The following SNTG2 variants were observed in gnomAD, a reference collection of about 807,000 sequenced individuals.
SNTG2 encodes the protein syntrophin gamma 2.
Under a neutral mutation model 70.9 loss-of-function variants are expected in SNTG2, and 74 were observed. The ratio of observed to expected loss-of-function variants is 1.04; its 90% CI spans 0.86 to 1.27. The LOEUF is 1.27. Among genes scored for constraint, SNTG2 ranks in the 50% most tolerant of loss-of-function variants. The pLI is 0.00. For missense variants in SNTG2, 717 were observed against 690.7 expected, an observed-to-expected ratio of 1.04 and a Z score of -0.43; for synonymous variants, 278 against 273.8, an observed-to-expected ratio of 1.02 and a Z score of -0.15.
At chr2:1,295,329 CT>C (rs1680155940) in intron 14 of SNTG2, among the ~76,000 whole-genome samples, 1 of 152,168 alleles carries the variant, frequency 6.6e-6, no homozygotes, top group African/African-American at 2.4e-5. Flanking sequence ...TGAGGGAACT[CT>C]CTTCCCAGAA....
chr2:1,012,606 G>C (rs111844338), intron 1 of SNTG2, among the ~76,000 whole-genome samples: 25 of 104,442 alleles, frequency 2.4e-4, no homozygotes, highest in Middle Eastern at 5.8e-3. Context: ...GAGAAGGGTG[G>C]TCTGGAAAGG....
At chr2:1,321,584 A>G (rs1681524241) in intron 16 of SNTG2, among the ~76,000 whole-genome samples, 2 of 152,124 alleles carry the variant, frequency 1.3e-5, no homozygotes, top group South Asian at 4.1e-4. Flanking sequence ...TATCACTGAA[A>G]AGACTGAATC....
intron 7 of SNTG2, among the ~76,000 whole-genome samples, chr2:1,170,824 G>A (rs778104239): frequency 4.6e-5 from 7 of 152,082 alleles, no homozygotes; most frequent in East Asian, 1.9e-4. Context: ...CCGTGAATGC[G>A]TTTTTCTTGG....
chr2:1,173,117 C>T lies in SNTG2; in HGVS notation c.525C>T (p.His175=), dbSNP rs775704215. ...PLGSPGPSSD[H]SSGASSPLFD... ...GGTCCCCAGGGCCATCCAGCGACCA[C>T]AGCAGTGGGGCCTCCTCTCCCCTCT... Residue 175 remains histidine (H), a synonymous_variant, in exon 8 of 17, where the codon CAC becomes CAT. Coordinates refer to ENST00000308624, the MANE Select transcript of SNTG2 (RefSeq NM_018968.4). 1 of 1,614,038 alleles carries T rather than the reference C, an allele frequency of 6.2e-7. No individual in the cohort carries two copies. Among genetic ancestry groups the T allele is most frequent in the Non-Finnish European group, 8.5e-7 (1 of 1,179,888 alleles).
At chr2:1,176,613 TATCCAGAATCTAC>T (rs1232449512) in intron 8 of SNTG2, among the ~76,000 whole-genome samples, 3 of 151,392 alleles carry the variant, frequency 2.0e-5, no homozygotes, top group Non-Finnish European at 4.4e-5. Flanking sequence ...AAAGGTCTAA[TATCCAGAATCTAC>T]AAGGAACTAA....
At chr2:1,125,747 G>A (rs1221288451) in intron 4 of SNTG2, among the ~76,000 whole-genome samples, 3 of 151,320 alleles carry the variant, frequency 2.0e-5, no homozygotes, top group East Asian at 3.9e-4. Flanking sequence ...TCTCTCTTGG[G>A]GCAAAAAGTA....
intron 1 of SNTG2, among the ~76,000 whole-genome samples, chr2:1,076,924 A>G (rs548103969): frequency 1.2e-4 from 18 of 152,178 alleles, no homozygotes; most frequent in Non-Finnish European, 2.4e-4. Flanking sequence ...TCTCCATGCT[A>G]TGTTTACATG....
At chr2:1,245,276 A>G (rs1176732977) in intron 11 of SNTG2, among the ~76,000 whole-genome samples, 2 of 152,094 alleles carry the variant, frequency 1.3e-5, no homozygotes, top group African/African-American at 4.8e-5. Flanking sequence ...ATAATAAAAA[A>G]AAAGGAAAAA....
At chr2:1,159,902 A>G (rs1670159537) in intron 6 of SNTG2, among the ~76,000 whole-genome samples, 1 of 152,236 alleles carries the variant, frequency 6.6e-6, no homozygotes, top group African/African-American at 2.4e-5. Context: ...GGGAGGGACT[A>G]AGAAACTACT....
At chr2:1,262,590 C>CAGACGAGGAAACCCAAAGGCTCAGTCG in intron 13 of SNTG2, among the ~76,000 whole-genome samples, 1 of 134,168 alleles carries the variant, frequency 7.5e-6, no homozygotes, top group East Asian at 2.0e-4. Flanking sequence ...AGTCTCAGTC[C>CAGACGAGGAAACCCAAAGGCTCAGTCG]AGACGAGGAA....
rs188878378 is a variant in SNTG2, at chr2:972,315, T to C, written c.72+21247T>C. Among the ~76,000 whole-genome samples the C allele has an allele frequency of 5.9e-5, 9 of 152,358 alleles. No individual in the cohort carries two copies. In the East Asian group the frequency reaches 9.6e-4, roughly 16 times the overall value. On this transcript the variant is annotated intron_variant, in intron 1 of 16. Coordinates refer to ENST00000308624, the MANE Select transcript of SNTG2 (RefSeq NM_018968.4). ...CGTGTTTTATGAATCTGGGTGCTCC[T>C]GTGTTGAGTCCATACACATTTAGCA...
intron 1 of SNTG2, among the ~76,000 whole-genome samples, chr2:1,082,982 A>G (rs1664433490): frequency 6.6e-6 from 1 of 152,130 alleles, no homozygotes; most frequent in African/African-American, 2.4e-5. Flanking sequence ...CCTGTTCCCC[A>G]GCTCCCAAGA....
At chr2:1,286,036 C>T (rs1679751035) in intron 14 of SNTG2, among the ~76,000 whole-genome samples, 1 of 152,232 alleles carries the variant, frequency 6.6e-6, no homozygotes, top group African/African-American at 2.4e-5. Flanking sequence ...TAACTCCTCT[C>T]TTAGCCTCTT....
chr2:1,152,892 G>C (rs4306743), intron 6 of SNTG2, among the ~76,000 whole-genome samples: 124,188 of 151,414 alleles, frequency 0.82, 52,531 homozygotes, highest in Non-Finnish European at 0.94. Flanking sequence ...GGGAGGCCAA[G>C]GTGGGCGGAT....
rs980111689 is a variant in SNTG2, at chr2:1,304,373, G to A, written c.1285-4121G>A. ...TTGCCTGTCATCTCCTGAAGTTACA[G>A]CATCTCACCTGAGTAGCACGGCTGT... On this transcript the variant is annotated intron_variant, in intron 14 of 16. Transcript: ENST00000308624. Among the ~76,000 whole-genome samples, 12 of 152,268 alleles carry A rather than the reference G, an allele frequency of 7.9e-5. No homozygotes were observed. The East Asian group carries it at 2.3e-3, about 29-fold the overall frequency.
intron 14 of SNTG2, among the ~76,000 whole-genome samples, chr2:1,301,263 C>CTCACTGTGGTTG (rs1360224124): frequency 1.5e-4 from 23 of 152,128 alleles, no homozygotes; most frequent in African/African-American, 5.3e-4. Context: ...AGTCCACATA[C>CTCACTGTGGTTG]TCACTGTGGT....
chr2:1,181,106 T>C (rs1203471796), intron 8 of SNTG2, among the ~76,000 whole-genome samples: 4 of 152,122 alleles, frequency 2.6e-5, no homozygotes, highest in Non-Finnish European at 4.4e-5. Flanking sequence ...TTAGGAGATA[T>C]ACCTAATGCT....
At chr2:1,064,156 A>T (rs1558357133) in intron 1 of SNTG2, among the ~76,000 whole-genome samples, 1 of 152,040 alleles carries the variant, frequency 6.6e-6, no homozygotes, top group Non-Finnish European at 1.5e-5. Flanking sequence ...AAAGAAAAAA[A>T]TAATGAACCT....
At chr2:1,119,994 T>C (rs961483635) in intron 4 of SNTG2, among the ~76,000 whole-genome samples, 2 of 152,030 alleles carry the variant, frequency 1.3e-5, no homozygotes, top group Non-Finnish European at 2.9e-5. Flanking sequence ...AATGAGAAAA[T>C]GGCATTGATA....
Sources: gnomAD v4.1 joint callset for allele counts (sites outside exome capture counted in the v4.1 genomes callset) on GRCh38, gnomAD v4.1.1 for gene constraint, MANE v1.5 for transcripts, NCBI Gene and HGNC (gene_info 2026-07-23, HGNC 2026-07-21) for gene names.